Variants in KMO observed in about 807,000 individuals in gnomAD.
The protein encoded by KMO is kynurenine 3-hydroxylase.
Under a neutral mutation model 57.8 loss-of-function variants are expected in KMO, and 24 were observed. That is an observed-to-expected ratio of 0.42 (90% CI 0.30 to 0.58). KMO has a LOEUF of 0.58. KMO is among the 20% of genes least tolerant of loss of function. The probability of loss-of-function intolerance (pLI) is 0.22; values close to 1 mark genes in which losing one functional copy is unlikely to be tolerated. For missense variants in KMO, 483 were observed against 588.2 expected, an observed-to-expected ratio of 0.82 and a Z score of 1.85; for synonymous variants, 210 against 193.6, an observed-to-expected ratio of 1.08 and a Z score of -0.70.
intron 1 of KMO, among the ~76,000 whole-genome samples, chr1:241,546,299 A>G (rs1399948779): frequency 1.3e-5 from 2 of 152,126 alleles, no homozygotes; most frequent in Non-Finnish European, 2.9e-5. Flanking sequence ...CAAAAATTCT[A>G]CTGAAGTCCT....
chr1:241,563,312 T>C (rs1369402733), intron 7 of KMO, among the ~76,000 whole-genome samples: 4 of 152,164 alleles, frequency 2.6e-5, no homozygotes, highest in Admixed American at 6.5e-5. Context: ...GGCTTATAAG[T>C]ATGGATATGC....
intron 5 of KMO, among the ~76,000 whole-genome samples, chr1:241,560,392 C>T (rs1386346619): frequency 6.6e-6 from 1 of 152,192 alleles, no homozygotes; most frequent in Non-Finnish European, 1.5e-5. Context: ...CTAATAATTA[C>T]AGCAATGCAA....
At chr1:241,575,786 A>G (rs1246950139) in intron 10 of KMO, among the ~76,000 whole-genome samples, 1 of 152,054 alleles carries the variant, frequency 6.6e-6, no homozygotes, top group East Asian at 1.9e-4. Context: ...TGTTAGATCT[A>G]TATTTTCTAG....
intron 1 of KMO, among the ~76,000 whole-genome samples, chr1:241,532,880 G>A (rs1030393206): frequency 1.3e-5 from 2 of 152,164 alleles, no homozygotes; most frequent in African/African-American, 2.4e-5. Context: ...CATTTGTTCC[G>A]CTTTGTTTAA....
intron 5 of KMO, among the ~76,000 whole-genome samples, chr1:241,558,597 G>A (rs1353726626): frequency 6.6e-6 from 1 of 152,112 alleles, no homozygotes; most frequent in Non-Finnish European, 1.5e-5. Context: ...AGGATGTGTG[G>A]CCAAATAAGT....
rs1416337481 is a variant in KMO, at chr1:241,574,530, T to TA, written c.957+5883_957+5884insA. Among the ~76,000 whole-genome samples the TA allele has an allele frequency of 3.6e-4, 15 of 42,076 alleles. 1 individual carries two copies. The highest frequency in any genetic ancestry group is 6.7e-4 in the African/African-American group (14 of 20,938). 27.6% of individuals were successfully genotyped at this position (42,076 alleles called of 152,430 possible). A position where few individuals can be genotyped will look rare whatever the true frequency, so the allele number is the denominator to read the frequency against. On this transcript the variant is annotated intron_variant, in intron 10 of 14. Transcript: ENST00000366559. Reference sequence around the variant, plus strand: ...TTCTGCAACTGTAGAGATGATCATATGGTTTTTTTTTTAATTCTGTTTATG... The same window carrying TA: ...TTCTGCAACTGTAGAGATGATCATATAGGTTTTTTTTTTAATTCTGTTTATG...
intron 6 of KMO, among the ~76,000 whole-genome samples, chr1:241,561,658 A>G (rs1385879906): frequency 6.6e-6 from 1 of 152,172 alleles, no homozygotes; most frequent in Non-Finnish European, 1.5e-5. Flanking sequence ...TCATTCCCCT[A>G]ATAGATAATT....
chr1:241,539,450 T>C (rs1186235511), intron 1 of KMO, among the ~76,000 whole-genome samples: 1 of 151,978 alleles, frequency 6.6e-6, no homozygotes, highest in African/African-American at 2.4e-5. Flanking sequence ...GGCATTGCAT[T>C]CAGAGTAACA....
At chr1:241,573,206 C>T (rs994970705) in intron 10 of KMO, among the ~76,000 whole-genome samples, 7 of 152,094 alleles carry the variant, frequency 4.6e-5, no homozygotes, top group African/African-American at 1.2e-4. Context: ...AGGCTGGTTT[C>T]GACCTGCTGT....
intron 1 of KMO, chr1:241,536,478 C>T (rs1006255019): frequency 2.4e-5 from 24 of 983,868 alleles, no homozygotes; most frequent in African/African-American, 1.4e-4. Context: ...ACAGGTATGA[C>T]GAAAGTGATC....
Position 241,593,221 on chromosome 1 carries a change from C to A in KMO, c.*1068C>A. 7.7e-6 allele frequency: 2 copies of A among 260,990 alleles called. No homozygotes were observed. Among genetic ancestry groups the A allele is most frequent in the Non-Finnish European group, 1.8e-5 (2 of 112,128 alleles). The allele number at this position is 260,990 out of a possible 1,614,324, so 16.2% of individuals were successfully genotyped here. On this transcript the variant is annotated 3_prime_UTR_variant, in exon 15 of 15. Coordinates refer to ENST00000366559, the MANE Select transcript of KMO (RefSeq NM_003679.5). ...GACAACTTTTATAGAAATACAAAGC[C>A]ATTACTTTATTCAATTTCAGACCCT...
At position 241,555,833 on chromosome 1, in the gene KMO, A is replaced by G. The variant is rs1488882453; in HGVS notation, c.361+173A>G. 2.2e-5 allele frequency: 10 copies of G among 458,376 alleles called. No homozygotes were observed. The East Asian group carries it at 3.3e-4, about 15-fold the overall frequency. 28.4% of individuals were successfully genotyped at this position (458,376 alleles called of 1,614,324 possible). A position where few individuals can be genotyped will look rare whatever the true frequency, so the allele number is the denominator to read the frequency against. Reference sequence around the variant, plus strand: ...CTAGGTCTGATAGCTCATGCCTGTAATCCCAGCACTCTGAAAGGCTGAGGC... The same window carrying G: ...CTAGGTCTGATAGCTCATGCCTGTAGTCCCAGCACTCTGAAAGGCTGAGGC... On this transcript the variant is annotated intron_variant, in intron 5 of 14. Coordinates refer to ENST00000366559, the MANE Select transcript of KMO (RefSeq NM_003679.5).
intron 12 of KMO, among the ~76,000 whole-genome samples, chr1:241,589,724 C>G (rs1284784294): frequency 2.6e-5 from 4 of 152,196 alleles, no homozygotes; most frequent in Non-Finnish European, 5.9e-5. Flanking sequence ...AGATTGCCTG[C>G]AGTTCTGGTT....
chr1:241,568,693 A>G, intron 10 of KMO, 46 bp downstream of exon 10: 1 of 1,577,306 alleles, frequency 6.3e-7, no homozygotes. Context: ...CTTCTGGGTC[A>G]GTCTCAGCTA....
intron 10 of KMO, among the ~76,000 whole-genome samples, chr1:241,574,653 G>C (rs1046171371): frequency 1.3e-5 from 2 of 151,916 alleles, no homozygotes; most frequent in African/African-American, 4.8e-5. Flanking sequence ...TTGATGTGCT[G>C]TTGGATTTGG....
At chr1:241,549,213 G>GA (rs1173437032) in intron 2 of KMO, among the ~76,000 whole-genome samples, 1 of 5,356 alleles carries the variant, frequency 1.9e-4, no homozygotes, top group South Asian at 0.031. Context: ...AAGAAAGAAA[G>GA]AAAGAAAGAA....
At chr1:241,578,604 A>T (rs1392700688) in intron 10 of KMO, among the ~76,000 whole-genome samples, 2 of 152,064 alleles carry the variant, frequency 1.3e-5, no homozygotes, top group Non-Finnish European at 2.9e-5. Flanking sequence ...GATGGAGGGG[A>T]GTGACATAGA....
Position 241,561,273 on chromosome 1 carries a change from A to C in KMO, c.449+521A>C, listed in dbSNP as rs144380888. On this transcript the variant is annotated intron_variant, in intron 6 of 14. Transcript: ENST00000366559. ...TCAAATCAATTTATGTTAACTTCTCATCAAACATCCTTGCTGGAACATCTT... is the reference window on the plus strand; with the variant it reads ...TCAAATCAATTTATGTTAACTTCTCCTCAAACATCCTTGCTGGAACATCTT... Among the ~76,000 whole-genome samples the C allele has an allele frequency of 1.1e-3, 167 of 152,334 alleles. 1 individual carries two copies. Among genetic ancestry groups the C allele is most frequent in the African/African-American group, 3.8e-3 (158 of 41,580 alleles).
At chr1:241,566,742 T>G (rs1662094388) in intron 9 of KMO, 130 bp downstream of exon 9, 2 of 960,332 alleles carry the variant, frequency 2.1e-6, no homozygotes, top group South Asian at 2.9e-5. Flanking sequence ...AAACCTACAT[T>G]AGAGCAAAAG....
Sources: allele counts gnomAD v4.1 joint callset (sites outside exome capture counted in the v4.1 genomes callset), GRCh38; gene constraint gnomAD v4.1.1; transcripts MANE v1.5; gene names NCBI Gene and HGNC (gene_info 2026-07-23, HGNC 2026-07-21).